FAM91A1: variants seen among roughly 807,000 people sequenced by gnomAD.
FAM91A1 encodes the protein protein FAM91A1.
FAM91A1 carries 41 observed loss-of-function variants against 113.5 expected under a neutral mutation model. The ratio of observed to expected loss-of-function variants is 0.36; its 90% CI spans 0.28 to 0.47. FAM91A1 has a LOEUF of 0.47. Ranked by LOEUF, FAM91A1 falls within the 20% of genes least tolerant of loss-of-function variation. FAM91A1 has a pLI of 1.00. For missense variants in FAM91A1, 696 were observed against 1,001.2 expected, an observed-to-expected ratio of 0.70 and a Z score of 4.11; for synonymous variants, 307 against 347.9, an observed-to-expected ratio of 0.88 and a Z score of 1.31.
intron 1 of FAM91A1, 56 bp downstream of exon 1, chr8:123,768,830 C>T (rs1814770830): frequency 6.4e-7 from 1 of 1,556,072 alleles, no homozygotes; most frequent in Non-Finnish European, 8.8e-7. Flanking sequence ...CCAGCGGTCA[C>T]CTGCTTGCCT....
At chr8:123,788,804 G>A (rs1487658608) in intron 14 of FAM91A1, among the ~76,000 whole-genome samples, 1 of 151,968 alleles carries the variant, frequency 6.6e-6, no homozygotes, top group Non-Finnish European at 1.5e-5. Flanking sequence ...ATAAATCTAT[G>A]TTCTTTTTCA....
intron 11 of FAM91A1, chr8:123,785,999 G>A (rs1210935298): frequency 4.5e-6 from 2 of 439,680 alleles, no homozygotes. Flanking sequence ...TTGTGTTTCT[G>A]TTAGAGGTGG....
chr8:123,793,811 T>G (rs1362843990), intron 15 of FAM91A1, among the ~76,000 whole-genome samples: 1 of 152,238 alleles, frequency 6.6e-6, no homozygotes, highest in Non-Finnish European at 1.5e-5. Context: ...TATATATGTA[T>G]ATTTTTAGAT....
chr8:123,796,090 G>A (rs141291918), intron 15 of FAM91A1, among the ~76,000 whole-genome samples: 1 of 152,108 alleles, frequency 6.6e-6, no homozygotes, highest in African/African-American at 2.4e-5. Context: ...CGCAGAACCC[G>A]CATGTGTTCA....
chr8:123,779,344 G>A (rs1418547695), intron 6 of FAM91A1, among the ~76,000 whole-genome samples: 3 of 152,158 alleles, frequency 2.0e-5, no homozygotes, highest in East Asian at 3.9e-4. Context: ...TTTATGGGGC[G>A]ATAGTGTCAA....
At chr8:123,776,288 A>G (rs1006647734) in intron 3 of FAM91A1, among the ~76,000 whole-genome samples, 1 of 152,216 alleles carries the variant, frequency 6.6e-6, no homozygotes, top group African/African-American at 2.4e-5. Flanking sequence ...TTTGGGGCTC[A>G]CTAGCCGCTT....
At chr8:123,795,290 C>T (rs1485110179) in intron 15 of FAM91A1, among the ~76,000 whole-genome samples, 1 of 152,124 alleles carries the variant, frequency 6.6e-6, no homozygotes, top group Non-Finnish European at 1.5e-5. Flanking sequence ...TGTGTGTCCC[C>T]ACCCAAATCT....
rs988892566 is a variant in FAM91A1, at chr8:123,785,380, G to A, written c.850-249G>A. On this transcript the variant is annotated intron_variant, in intron 10 of 23. Coordinates refer to ENST00000334705, the MANE Select transcript of FAM91A1 (RefSeq NM_144963.4). ...CAAGCAGTATCTTGTAGTGAGGTCCGTTAAAGCAACAACTCCTGCTTCATT... is the reference window on the plus strand; with the variant it reads ...CAAGCAGTATCTTGTAGTGAGGTCCATTAAAGCAACAACTCCTGCTTCATT... Among the ~76,000 whole-genome samples, 8 of 152,288 alleles carry A rather than the reference G, an allele frequency of 5.3e-5. No individual in the cohort carries two copies. In the East Asian group the frequency reaches 7.7e-4, roughly 15 times the overall value.
chr8:123,787,173 A>G (rs1815278791), intron 12 of FAM91A1, 88 bp from the exon 13 acceptor site: 4 of 1,016,186 alleles, frequency 3.9e-6, no homozygotes, highest in African/African-American at 1.6e-5. Context: ...CTGGTTATCA[A>G]ATAAAGCTGA....
intron 8 of FAM91A1, among the ~76,000 whole-genome samples, chr8:123,784,253 A>T (rs1450806418): frequency 3.9e-5 from 6 of 152,172 alleles, no homozygotes; most frequent in Non-Finnish European, 8.8e-5. Flanking sequence ...TCCATGGTGA[A>T]TTAAATGAAC....
chr8:123,802,938 T>C (rs1350683863), intron 18 of FAM91A1, among the ~76,000 whole-genome samples: 1 of 152,156 alleles, frequency 6.6e-6, no homozygotes, highest in Non-Finnish European at 1.5e-5. Flanking sequence ...GAAAACGTTA[T>C]TGTGTTGGTA....
At chr8:123,778,317 C>T (rs1354072385) in intron 5 of FAM91A1, among the ~76,000 whole-genome samples, 1 of 151,952 alleles carries the variant, frequency 6.6e-6, no homozygotes, top group Non-Finnish European at 1.5e-5. Context: ...TTTTTGTTCT[C>T]TTAGTCTTTT....
Position 123,786,570 on chromosome 8 carries a change from A to G in FAM91A1, c.1038A>G (p.Ser346=). The part of the protein sequence containing the change: ...GESRSPVQEA[S]SATDTDTNSQ... ...GTAGGAGTCCTGTACAAGAAGCTTC[A>G]TCGGCAACTGACACTGATACAAATA... The change falls in exon 12 of 24, where the codon TCA becomes TCG. Residue 346 remains serine, a synonymous_variant. Transcript: ENST00000334705. 3 of 1,614,178 alleles carry G rather than the reference A, an allele frequency of 1.9e-6. No individual in the cohort carries two copies. Among genetic ancestry groups the G allele is most frequent in the Non-Finnish European group, 2.5e-6 (3 of 1,180,002 alleles).
chr8:123,798,199 C>G lies in FAM91A1; in HGVS notation c.1521C>G (p.Leu507=). The change falls in exon 16 of 24, where the codon CTC becomes CTG. Residue 507 remains leucine, a synonymous_variant. Coordinates refer to ENST00000334705, the MANE Select transcript of FAM91A1 (RefSeq NM_144963.4). ...CGCTGCTTGTTTCCATGGCTCCCCT[C>G]ACCAATGAAATCCGGCCTGTCAGCA... The part of the protein sequence containing the change: ...NYTLLVSMAP[L]TNEIRPVSSC... 6.2e-7 allele frequency: 1 copy of G among 1,614,106 alleles called. No individual in the cohort carries two copies. The highest frequency in any genetic ancestry group is 8.5e-7 in the Non-Finnish European group (1 of 1,179,996).
rs141354217 is a variant in FAM91A1 at position 123,789,419 on chromosome 8, A to G, written c.1279-194A>G. ...AAAATTGTTAGTCTTAGTTGAAGTA[A>G]TTTCTATCTCCATAGATGTAGTAAA... On this transcript the variant is annotated intron_variant, in intron 14 of 23. Coordinates refer to ENST00000334705, the MANE Select transcript of FAM91A1 (RefSeq NM_144963.4). Among the ~76,000 whole-genome samples the G allele has an allele frequency of 3.9e-5, 6 of 152,330 alleles. No homozygotes were observed. The East Asian group carries it at 1.2e-3, about 29-fold the overall frequency.
intron 1 of FAM91A1, among the ~76,000 whole-genome samples, chr8:123,770,238 A>C (rs1814808500): frequency 6.6e-6 from 1 of 152,362 alleles, no homozygotes; most frequent in African/African-American, 2.4e-5. Flanking sequence ...GGCGTGAGCC[A>C]CAGTGCCCAG....
At position 123,804,487 on chromosome 8, in the gene FAM91A1, T is replaced by TC. The variant is rs1251066791; in HGVS notation, c.1810-780_1810-779insC. On this transcript the variant is annotated intron_variant, in intron 18 of 23. Transcript: ENST00000334705. ...GTCTGAGTAACAGAGCAAGACTCTG[T>TC]TTTAAAAAAAAAAAAAAAAAAAAAA... Among the ~76,000 whole-genome samples the TC allele has an allele frequency of 5.9e-3, 404 of 68,326 alleles. 155 individuals carry two copies. The highest frequency in any genetic ancestry group is 0.011 in the South Asian group (18 of 1,584). The allele number at this position is 68,326 out of a possible 152,430, so 44.8% of individuals were successfully genotyped here.
chr8:123,781,060 T>A (rs991017667), intron 8 of FAM91A1, among the ~76,000 whole-genome samples: 1 of 152,104 alleles, frequency 6.6e-6, no homozygotes, highest in Non-Finnish European at 1.5e-5. Flanking sequence ...TTTCTGGTAA[T>A]TTAGATTATT....
At chr8:123,781,664 C>G (rs1474981561) in intron 8 of FAM91A1, among the ~76,000 whole-genome samples, 1 of 151,750 alleles carries the variant, frequency 6.6e-6, no homozygotes, top group Non-Finnish European at 1.5e-5. Flanking sequence ...CAGGTAAAAC[C>G]CATAGAGACA....
Sources: allele counts gnomAD v4.1 joint callset (sites outside exome capture counted in the v4.1 genomes callset), GRCh38; gene constraint gnomAD v4.1.1; transcripts MANE v1.5; gene names NCBI Gene and HGNC (gene_info 2026-07-23, HGNC 2026-07-21).